Variants in METTL22 observed in about 807,000 individuals in gnomAD.
METTL22 encodes methyltransferase 22, Kin17 lysine, also known as methyltransferase-like protein 22.
METTL22 carries 51 observed loss-of-function variants against 48.4 expected under a neutral mutation model. That is an observed-to-expected ratio of 1.05 (90% CI 0.84 to 1.33). The LOEUF (loss-of-function observed/expected upper bound fraction) is 1.33. Ranked by LOEUF, METTL22 falls within the 40% of genes most tolerant of loss-of-function variation. The pLI is 0.00. For missense variants in METTL22, 678 were observed against 526.9 expected (o/e 1.29, Z -2.81); for synonymous variants, 255 against 214.1 (o/e 1.19, Z -1.67).
At chr16:8,644,176 C>T (rs1046834311) in intron 9 of METTL22, among the ~76,000 whole-genome samples, 4 of 152,114 alleles carry the variant, frequency 2.6e-5, no homozygotes, top group East Asian at 1.9e-4. Context: ...CACTGCCTCT[C>T]ATTCATTCAT....
At chr16:8,661,033 C>T in the METTL22 span, among the ~76,000 whole-genome samples, 5 of 152,286 alleles carry the variant, frequency 3.3e-5, no homozygotes, top group East Asian at 9.7e-4. Context: ...CCCAAAGGGT[C>T]TGGATGTCAT....
chr16:8,659,877 A>G, the METTL22 span, among the ~76,000 whole-genome samples: 3 of 151,662 alleles, frequency 2.0e-5, no homozygotes, highest in Non-Finnish European at 2.9e-5. Context: ...GGCACAAGTC[A>G]CCATACCCAG....
In METTL22 at chr16:8,639,360, C is replaced by T. The variant is rs537196352; in HGVS notation, c.772+198C>T. 5 of 603,520 alleles carry T rather than the reference C, an allele frequency of 8.3e-6. No homozygotes were observed. The South Asian group carries it at 9.6e-5, about 12-fold the overall frequency. 37.4% of individuals were successfully genotyped at this position (603,520 alleles called of 1,614,324 possible). A position where few individuals can be genotyped will look rare whatever the true frequency, so the allele number is the denominator to read the frequency against. On this transcript the variant is annotated intron_variant, in intron 6 of 10. Coordinates refer to ENST00000381920, the MANE Select transcript of METTL22 (RefSeq NM_024109.4). Reference sequence around the variant, plus strand: ...GCTCCTTGGGTCACCTCCTCATTCCCAGATCCACTGCGTCATCCTACTCCA... The same window carrying T: ...GCTCCTTGGGTCACCTCCTCATTCCTAGATCCACTGCGTCATCCTACTCCA...
At chr16:8,651,248 G>A (rs372918763), downstream of METTL22, among the ~76,000 whole-genome samples, 25 of 151,614 alleles carry the variant, frequency 1.6e-4, no homozygotes, top group African/African-American at 4.6e-4. Context: ...TTAGCCAGGC[G>A]TGGTGGCGGG....
chr16:8,624,257 G>A (rs1340977468), intron 1 of METTL22: 1 of 152,024 alleles, frequency 6.6e-6, no homozygotes, highest in East Asian at 1.9e-4. Context: ...CTCAGCCATG[G>A]TTTTCCAAGT....
intron 10 of METTL22, 116 bp downstream of exon 10, chr16:8,644,841 G>T: frequency 8.6e-7 from 1 of 1,164,136 alleles, no homozygotes; most frequent in Non-Finnish European, 1.2e-6. Flanking sequence ...TAGTCCTGCA[G>T]GGGGTGAAGC....
intron 9 of METTL22, among the ~76,000 whole-genome samples, chr16:8,643,802 C>T (rs551397352): frequency 2.0e-5 from 3 of 152,098 alleles, no homozygotes; most frequent in African/African-American, 7.2e-5. Context: ...TTAGTAGAAA[C>T]GGGGTTTCAC....
Position 8,641,184 on chromosome 16 carries a change from G to A in METTL22, c.826G>A (p.Asp276Asn). 6.2e-7 allele frequency: 1 copy of A among 1,613,974 alleles called. No individual in the cohort carries two copies. Among genetic ancestry groups the A allele is most frequent in the African/African-American group, 1.3e-5 (1 of 75,020 alleles). ...LDWLKDDLCT[D>N]PKVPFSWSQE... ...CTGGCTGAAGGACGACCTCTGCACA[G>A]GTGTGTGTTTCTCTCGGACGTCCCC... Residue 276 changes from aspartate (D) to asparagine (N), a missense_variant and splice_region_variant, in exon 7 of 11, where the codon GAT becomes AAT. Coordinates refer to ENST00000381920, the MANE Select transcript of METTL22 (RefSeq NM_024109.4).
At chr16:8,628,148 A>T (rs1471949475) in intron 2 of METTL22, among the ~76,000 whole-genome samples, 1 of 152,214 alleles carries the variant, frequency 6.6e-6, no homozygotes, top group Non-Finnish European at 1.5e-5. Flanking sequence ...CCTGGTAATT[A>T]ACACAGCCTG....
Position 8,640,950 on chromosome 16 carries a change from G to GGC in METTL22, c.773-181_773-180insGC, listed in dbSNP as rs1567241369. 1.0e-2 allele frequency among the ~76,000 whole-genome samples: 333 copies of GGC among 33,396 alleles called. 39 individuals are homozygous for GGC. The highest frequency in any genetic ancestry group is 0.033 in the African/African-American group (314 of 9,454). 21.9% of individuals were successfully genotyped at this position (33,396 alleles called of 152,430 possible). On this transcript the variant is annotated intron_variant, in intron 6 of 10. Coordinates refer to ENST00000381920, the MANE Select transcript of METTL22 (RefSeq NM_024109.4). ...GATGGATGGATGGATGGATGGGTGG[G>GGC]TGGATGGCTGGCTGGCTGGCTGGCT... is the stretch of plus-strand genomic sequence containing the variant.
At chr16:8,625,120 C>G (rs1348036118) in intron 1 of METTL22, among the ~76,000 whole-genome samples, 1 of 151,950 alleles carries the variant, frequency 6.6e-6, no homozygotes, top group East Asian at 1.9e-4. Flanking sequence ...TGCTAATGGT[C>G]TTATGATTAT....
downstream of METTL22, among the ~76,000 whole-genome samples, chr16:8,654,130 C>G (rs1009538856): frequency 2.0e-5 from 3 of 152,206 alleles, no homozygotes; most frequent in Non-Finnish European, 4.4e-5. Flanking sequence ...GTAAATATCC[C>G]TCCACTCACG....
At chr16:8,642,236 G>A (rs1265794772) in intron 8 of METTL22, 29 bp downstream of exon 8, 8 of 1,574,782 alleles carry the variant, frequency 5.1e-6, no homozygotes, top group Non-Finnish European at 7.0e-6. Context: ...CGCCGTACAC[G>A]TCCTTTGTTG....
At chr16:8,626,761 CTTTTTTTTTTTTT>C (rs34726811) in intron 2 of METTL22, among the ~76,000 whole-genome samples, 1 of 52,532 alleles carries the variant, frequency 1.9e-5, no homozygotes, top group Admixed American at 3.1e-4. Context: ...GTCCTCTACT[CTTTTTTTTTTTTT>C]TTTTTTTTTT....
chr16:8,644,203 C>T (rs541195370), intron 9 of METTL22, among the ~76,000 whole-genome samples: 18 of 152,266 alleles, frequency 1.2e-4, no homozygotes, highest in Admixed American at 1.1e-3. Context: ...GATAGTTATG[C>T]GCAGCTCCAG....
chr16:8,646,007 G>GGTGTCTAACTACTCTCC, intron 10 of METTL22, 101 bp from the exon 11 acceptor site: 2 of 1,558,622 alleles, frequency 1.3e-6, no homozygotes, highest in Non-Finnish European at 1.7e-6. Context: ...TGGCTGACGT[G>GGTGTCTAACTACTCTCC]TTGTCTAACT....
intron 1 of METTL22, among the ~76,000 whole-genome samples, chr16:8,624,813 T>G (rs915902266): frequency 3.9e-5 from 6 of 152,156 alleles, no homozygotes; most frequent in Admixed American, 1.3e-4. Context: ...GAGCCATGAT[T>G]GTACCACTGC....
Position 8,625,750 on chromosome 16 carries a change from C to G in METTL22, c.85C>G (p.Pro29Ala). Reference protein sequence around the residue: ...TVLSDVHLYTPNHRHLMVRLN... With the variant: ...TVLSDVHLYTANHRHLMVRLN... ...GCTGTCAGATGTCCACCTCTATACC[C>G]CGAACCATAGACATCTCATGGTACG... is the stretch of plus-strand genomic sequence containing the variant. Residue 29 changes from proline (P) to alanine (A), a missense_variant, in exon 2 of 11, where the codon CCG becomes GCG. Pro to Ala is a conservative substitution (Grantham distance 27). Coordinates refer to ENST00000381920, the MANE Select transcript of METTL22 (RefSeq NM_024109.4). The G allele has an allele frequency of 6.2e-7, 1 of 1,614,216 alleles. No individual in the cohort carries two copies.
chr16:8,654,332 A>G (rs975301045), downstream of METTL22, among the ~76,000 whole-genome samples: 1 of 152,240 alleles, frequency 6.6e-6, no homozygotes, highest in Non-Finnish European at 1.5e-5. Context: ...CACATAACTT[A>G]TAAATGGCAG....
Sources: allele counts gnomAD v4.1 joint callset (sites outside exome capture counted in the v4.1 genomes callset), GRCh38; gene constraint gnomAD v4.1.1; transcripts MANE v1.5; gene names NCBI Gene and HGNC (gene_info 2026-07-23, HGNC 2026-07-21).